DYNC1I1: variants seen among roughly 807,000 people sequenced by gnomAD.
DYNC1I1 encodes the protein dynein cytoplasmic 1 intermediate chain 1, also known as cytoplasmic dynein 1 intermediate chain 1.
DYNC1I1 carries 43 observed loss-of-function variants against 86.6 expected under a neutral mutation model. The observed-to-expected ratio is 0.50, with a 90% CI of 0.39 to 0.64. DYNC1I1 has a LOEUF of 0.64. Among genes scored for constraint, DYNC1I1 ranks in the 30% least tolerant of loss-of-function variants. DYNC1I1 has a pLI of 0.00. For missense variants in DYNC1I1, 604 were observed against 788.8 expected (o/e 0.77, Z 2.81); for synonymous variants, 262 against 283.7 (o/e 0.92, Z 0.77).
intron 14 of DYNC1I1, among the ~76,000 whole-genome samples, chr7:96,065,752 A>G (rs943290111): frequency 2.6e-5 from 4 of 151,360 alleles, no homozygotes; most frequent in African/African-American, 9.7e-5. Context: ...CTTCAGGCCC[A>G]CTCTCTCTTT....
chr7:95,817,236 T>G (rs74912442), intron 4 of DYNC1I1, among the ~76,000 whole-genome samples: 4,921 of 151,690 alleles, frequency 0.032, 269 homozygotes, highest in African/African-American at 0.11. Flanking sequence ...AAAAAGTTTG[T>G]AGAATGAACT....
At chr7:95,913,106 GTC>G (rs1242291609) in intron 6 of DYNC1I1, among the ~76,000 whole-genome samples, 1 of 152,144 alleles carries the variant, frequency 6.6e-6, no homozygotes, top group African/African-American at 2.4e-5. Context: ...GTGAGCTAGT[GTC>G]TCTTTCATTA....
intron 1 of DYNC1I1, among the ~76,000 whole-genome samples, chr7:95,777,486 C>T (rs1793872946): frequency 2.0e-5 from 3 of 152,208 alleles, no homozygotes; most frequent in African/African-American, 7.2e-5. Flanking sequence ...GGGAGGGGCA[C>T]TACTTACCAG....
At chr7:95,948,456 G>T (rs1792464545) in intron 6 of DYNC1I1, among the ~76,000 whole-genome samples, 1 of 152,044 alleles carries the variant, frequency 6.6e-6, no homozygotes, top group African/African-American at 2.4e-5. Flanking sequence ...CTGCATTATT[G>T]AGGTCCCAAG....
intron 6 of DYNC1I1, among the ~76,000 whole-genome samples, chr7:95,911,093 G>A (rs1204083220): frequency 2.0e-5 from 3 of 152,188 alleles, no homozygotes; most frequent in Non-Finnish European, 4.4e-5. Context: ...CAAGTGTGGG[G>A]ATAGCTGGGC....
intron 6 of DYNC1I1, among the ~76,000 whole-genome samples, chr7:95,888,418 CAGAGTGAGACCCTGTCTTT>C (rs1208095588): frequency 6.6e-6 from 1 of 152,106 alleles, no homozygotes; most frequent in Non-Finnish European, 1.5e-5. Flanking sequence ...GCCTGGGCAA[CAGAGTGAGACCCTGTCTTT>C]AAAAAAATAA....
intron 7 of DYNC1I1, among the ~76,000 whole-genome samples, chr7:95,980,799 T>C (rs1466264732): frequency 6.6e-6 from 1 of 152,186 alleles, no homozygotes; most frequent in African/African-American, 2.4e-5. Context: ...CATGTCTTCA[T>C]GTTTAGAAAT....
At position 95,985,084 on chromosome 7, in the gene DYNC1I1, G is replaced by A. The variant is rs55710908; in HGVS notation, c.743+107G>A. 245,385 of 1,487,950 alleles carry A rather than the reference G, an allele frequency of 0.16. 21,171 individuals are homozygous for A. The highest frequency in any genetic ancestry group is 0.19 in the Middle Eastern group (1,077 of 5,624). The allele number at this position is 1,487,950 out of a possible 1,614,324, so 92.2% of individuals were successfully genotyped here. A position where few individuals can be genotyped will look rare whatever the true frequency, so the allele number is the denominator to read the frequency against. ...TTCCAAATTAAGAAATCAGAGGAGG[G>A]TGAAATTTTGGAATTGATCTTGCTG... On this transcript the variant is annotated intron_variant, in intron 8 of 16. Coordinates refer to ENST00000447467, the MANE Select transcript of DYNC1I1 (RefSeq NM_001135556.2).
intron 5 of DYNC1I1, among the ~76,000 whole-genome samples, chr7:95,836,688 A>C (rs1789102804): frequency 6.6e-6 from 1 of 151,570 alleles, no homozygotes; most frequent in Non-Finnish European, 1.5e-5. Context: ...TTTTTCTCTA[A>C]TCTTCCCTTC....
downstream of DYNC1I1, among the ~76,000 whole-genome samples, chr7:96,099,249 A>T (rs1161237933): frequency 1.3e-5 from 2 of 152,188 alleles, no homozygotes; most frequent in Non-Finnish European, 2.9e-5. Context: ...GGCACATAAA[A>T]TGTTACAAGA....
intron 10 of DYNC1I1, among the ~76,000 whole-genome samples, chr7:96,027,230 A>C (rs532682550): frequency 2.0e-5 from 3 of 152,192 alleles, no homozygotes; most frequent in African/African-American, 7.2e-5. Flanking sequence ...TGCCTTCCTT[A>C]TACATGGTAA....
intron 6 of DYNC1I1, among the ~76,000 whole-genome samples, chr7:95,926,001 A>G (rs1245589943): frequency 6.6e-6 from 1 of 152,174 alleles, no homozygotes; most frequent in African/African-American, 2.4e-5. Context: ...TGTTGCATAT[A>G]TTTAGTTGTC....
At chr7:95,974,640 G>A (rs1793257230) in intron 6 of DYNC1I1, among the ~76,000 whole-genome samples, 1 of 152,106 alleles carries the variant, frequency 6.6e-6, no homozygotes, top group South Asian at 2.1e-4. Flanking sequence ...CTGGCTGGGG[G>A]AATTAACACT....
chr7:96,076,972 C>T (rs892647337), intron 15 of DYNC1I1, among the ~76,000 whole-genome samples: 4 of 152,122 alleles, frequency 2.6e-5, no homozygotes, highest in Non-Finnish European at 5.9e-5. Context: ...GCTAATTCAG[C>T]TACTTGGATT....
At chr7:96,012,149 T>A (rs970135093) in intron 10 of DYNC1I1, among the ~76,000 whole-genome samples, 2 of 152,106 alleles carry the variant, frequency 1.3e-5, no homozygotes, top group Non-Finnish European at 2.9e-5. Flanking sequence ...ACAGAAGGTA[T>A]ATGGATTGTG....
chr7:95,834,390 T>C, intron 5 of DYNC1I1, among the ~76,000 whole-genome samples: 1 of 104,388 alleles, frequency 9.6e-6, no homozygotes, highest in African/African-American at 4.2e-5. Context: ...TTATTGAGGA[T>C]TTTTGCATCA....
chr7:96,080,462 C>G lies in DYNC1I1; in HGVS notation c.1750C>G (p.Arg584Gly). ...KEVAVGDSEG[R>G]IWVYDVGELA... ...AGTTGCTGTTGGGGACTCGGAAGGC[C>G]GTATTTGGGTCTATGACGTTGGAGA... Residue 584 changes from arginine to glycine, a missense_variant, in exon 16 of 17, where the codon CGT becomes GGT. Arg to Gly is a moderately radical substitution (Grantham distance 125, BLOSUM62 -2). Coordinates refer to ENST00000447467, the MANE Select transcript of DYNC1I1 (RefSeq NM_001135556.2). The G allele has an allele frequency of 1.9e-6, 3 of 1,614,052 alleles. No homozygotes were observed. Among genetic ancestry groups the G allele is most frequent in the Non-Finnish European group, 2.5e-6 (3 of 1,180,020 alleles).
intron 11 of DYNC1I1, 117 bp from the exon 12 acceptor site, chr7:96,032,550 A>G (rs1794838091): frequency 6.5e-6 from 5 of 764,364 alleles, no homozygotes; most frequent in African/African-American, 3.5e-5. Flanking sequence ...TGACGCTTGT[A>G]TTATAGTAGG....
At chr7:96,078,253 T>C (rs967702500) in intron 15 of DYNC1I1, among the ~76,000 whole-genome samples, 2 of 152,208 alleles carry the variant, frequency 1.3e-5, no homozygotes, top group African/African-American at 4.8e-5. Context: ...CTGCTTAATG[T>C]AATAATTTAT....
Sources: allele counts gnomAD v4.1 joint callset (sites outside exome capture counted in the v4.1 genomes callset), GRCh38; gene constraint gnomAD v4.1.1; transcripts MANE v1.5; gene names NCBI Gene and HGNC (gene_info 2026-07-23, HGNC 2026-07-21).